NSMCE1: variants seen among roughly 807,000 people sequenced by gnomAD.
NSMCE1 encodes NSE1 component of SMC5/6 complex, also known as non-structural maintenance of chromosomes element 1 homolog.
A neutral mutation model predicts 29.6 loss-of-function variants in NSMCE1; 18 were observed. The ratio of observed to expected loss-of-function variants is 0.61; its 90% CI spans 0.42 to 0.90. The LOEUF is 0.90. Among genes scored for constraint, NSMCE1 ranks in the 40% least tolerant of loss-of-function variants. The pLI, the probability that NSMCE1 is intolerant of heterozygous loss-of-function variation, is 0.00. For synonymous variants in NSMCE1, 124 were observed against 133.4 expected (o/e 0.93, Z 0.49); for missense variants, 314 against 343.6 (o/e 0.91, Z 0.68).
intron 2 of NSMCE1, among the ~76,000 whole-genome samples, chr16:27,249,351 AATC>A (rs1459496581): frequency 3.3e-5 from 5 of 152,350 alleles, no homozygotes; most frequent in Non-Finnish European, 7.3e-5. Flanking sequence ...ATCTTGGACT[AATC>A]ATAGGTCACA....
chr16:27,225,918 A>C, intron 6 of NSMCE1, 72 bp from the exon 7 acceptor site: 1 of 1,588,058 alleles, frequency 6.3e-7, no homozygotes, highest in South Asian at 1.1e-5. Context: ...CGGGGAAGCC[A>C]CAAGGGAAAT....
At chr16:27,251,191 A>ATATATATATAAAT (rs1555477411) in intron 2 of NSMCE1, among the ~76,000 whole-genome samples, 126 of 32,216 alleles carry the variant, frequency 3.9e-3, no homozygotes, top group Admixed American at 0.029. Flanking sequence ...TATATATATA[A>ATATATATATAAAT]ATATATATAT....
chr16:27,247,926 CAAA>C (rs78525963), intron 2 of NSMCE1, among the ~76,000 whole-genome samples: 2 of 107,692 alleles, frequency 1.9e-5, no homozygotes, highest in African/African-American at 3.3e-5. Flanking sequence ...GACTCTGTCT[CAAA>C]AAAAAAAAAA....
intron 6 of NSMCE1, chr16:27,226,321 C>T: frequency 4.4e-6 from 1 of 226,566 alleles, no homozygotes; most frequent in Non-Finnish European, 8.8e-6. Flanking sequence ...AACTGAAAGA[C>T]ACATCAATGT....
chr16:27,232,993 G>T lies in NSMCE1; in HGVS notation c.483+8C>A. The T allele has an allele frequency of 6.2e-7, 1 of 1,612,784 alleles. No individual in the cohort carries two copies. The highest frequency in any genetic ancestry group is 1.1e-5 in the South Asian group (1 of 90,560). On this transcript the variant is annotated splice_region_variant and intron_variant, in intron 5 of 7. Transcript: ENST00000361439. This position sits in a 1 kb window ranked among gnomAD's most constrained non-coding sequence, Gnocchi z 4.5. ...GTGAACCAGGCTGGAAAAACCATGA[G>T]ACAGTACCTCAATCAGCCACTTGTT...
At chr16:27,249,444 AT>A (rs1177652223) in intron 2 of NSMCE1, among the ~76,000 whole-genome samples, 2 of 152,214 alleles carry the variant, frequency 1.3e-5, no homozygotes, top group Admixed American at 1.3e-4. Context: ...TTTTGAGATA[AT>A]TTTTGTATTT....
intron 5 of NSMCE1, among the ~76,000 whole-genome samples, chr16:27,229,474 TAA>T (rs1321500960): frequency 6.6e-6 from 1 of 152,222 alleles, no homozygotes; most frequent in Admixed American, 6.5e-5. Context: ...AGGCCTGTGA[TAA>T]ACACCCACGG....
intron 5 of NSMCE1, among the ~76,000 whole-genome samples, chr16:27,229,221 C>T (rs1459516182): frequency 6.6e-6 from 1 of 152,258 alleles, no homozygotes; most frequent in Non-Finnish European, 1.5e-5. Flanking sequence ...ACCCCAGGCT[C>T]CAGGCAACTC....
chr16:27,226,118 A>G, intron 6 of NSMCE1: 1 of 343,604 alleles, frequency 2.9e-6, no homozygotes, highest in Non-Finnish European at 5.4e-6. Flanking sequence ...CAGATCCTGC[A>G]GGTGGCGTGT....
chr16:27,239,542 A>C (rs965929241), intron 2 of NSMCE1, among the ~76,000 whole-genome samples: 1 of 152,230 alleles, frequency 6.6e-6, no homozygotes, highest in Non-Finnish European at 1.5e-5. Flanking sequence ...TTAATTAACA[A>C]CACCACTCCT....
At chr16:27,236,720 A>T (rs1428093236) in intron 2 of NSMCE1, among the ~76,000 whole-genome samples, 1 of 152,246 alleles carries the variant, frequency 6.6e-6, no homozygotes, top group African/African-American at 2.4e-5. Flanking sequence ...AAAAACTGCA[A>T]GAAAAAATGG....
intron 6 of NSMCE1, 72 bp downstream of exon 6, chr16:27,226,648 G>A (rs905032692): frequency 9.4e-5 from 91 of 963,710 alleles, no homozygotes; most frequent in Non-Finnish European, 1.3e-4. Context: ...CCAGGATTCC[G>A]GGAAGTACCT....
At chr16:27,225,927 A>G in intron 6 of NSMCE1, 81 bp from the exon 7 acceptor site, 1 of 1,551,564 alleles carries the variant, frequency 6.4e-7, no homozygotes, top group East Asian at 2.3e-5. Context: ...CACAAGGGAA[A>G]TGGGCAGCAG....
chr16:27,267,917 A>G (rs2084244896), intron 1 of NSMCE1, among the ~76,000 whole-genome samples: 1 of 151,862 alleles, frequency 6.6e-6, no homozygotes, highest in Non-Finnish European at 1.5e-5. Context: ...AATTTTTTGT[A>G]TTTTTAGTAG....
rs2083770603 is a variant in NSMCE1 at position 27,232,271 on chromosome 16, C to A, written c.483+730G>T. On this transcript the variant is annotated intron_variant, in intron 5 of 7. Transcript: ENST00000361439. The surrounding 1 kb of genome is among the most constrained non-coding windows in gnomAD (Gnocchi z 4.5). ...ACAGCTGTGGTCAACTCGGCAAACACTGAGCTGTTGAAAACAGGGGTGCCT... is the reference window on the plus strand; with the variant it reads ...ACAGCTGTGGTCAACTCGGCAAACAATGAGCTGTTGAAAACAGGGGTGCCT... Among the ~76,000 whole-genome samples, 1 of 152,200 alleles carries A rather than the reference C, an allele frequency of 6.6e-6. No homozygotes were observed. Among genetic ancestry groups the A allele is most frequent in the Non-Finnish European group, 1.5e-5 (1 of 68,042 alleles).
intron 2 of NSMCE1, among the ~76,000 whole-genome samples, chr16:27,242,345 A>G (rs1285810986): frequency 6.6e-6 from 1 of 152,188 alleles, no homozygotes; most frequent in Non-Finnish European, 1.5e-5. Context: ...TTGTTCTGAG[A>G]TCTGTACACA....
At chr16:27,235,984 G>A (rs766397474) in intron 2 of NSMCE1, among the ~76,000 whole-genome samples, 1 of 152,220 alleles carries the variant, frequency 6.6e-6, no homozygotes, top group African/African-American at 2.4e-5. Flanking sequence ...GAGACGCAGA[G>A]AGGTGAACTG....
rs1457136930 is a variant in NSMCE1 at position 27,234,185 on chromosome 16, T to TA, written c.336+2dup. 2 of 1,604,294 alleles carry TA rather than the reference T, an allele frequency of 1.2e-6. No homozygotes were observed. The highest frequency in any genetic ancestry group is 1.7e-6 in the Non-Finnish European group (2 of 1,171,070). On this transcript the variant is annotated splice_region_variant and intron_variant, in intron 4 of 7. Transcript: ENST00000361439. ...AATGGGCAATGGGGATTACTCTACT[T>TA]ACAGCCTTTCTAAACAAATCCAGTT...
chr16:27,258,181 A>G (rs564936626), intron 1 of NSMCE1: 13 of 152,350 alleles, frequency 8.5e-5, no homozygotes, highest in Admixed American at 6.5e-4. Context: ...TAAAACAACT[A>G]TCATGGCAGG....
Sources: gnomAD v4.1 joint callset for allele counts (sites outside exome capture counted in the v4.1 genomes callset) on GRCh38, gnomAD v4.1.1 for gene constraint, Gnocchi (gnomAD v3.1) non-coding constraint, MANE v1.5 for transcripts, NCBI Gene and HGNC (gene_info 2026-07-23, HGNC 2026-07-21) for gene names.